The following HTR1E variants were observed in gnomAD, a reference collection of about 807,000 sequenced individuals.
The protein encoded by HTR1E is 5-hydroxytryptamine receptor 1E, also known as 5-HT-1E.
A neutral mutation model predicts 3.4 loss-of-function variants in HTR1E; 3 were observed. That is an observed-to-expected ratio of 0.89 (90% CI 0.41 to 2.31). The LOEUF is 2.31. HTR1E is among the 30% of genes most tolerant of loss of function. HTR1E has a pLI of 0.05. For synonymous variants in HTR1E, 170 were observed against 182.8 expected, an observed-to-expected ratio of 0.93 and a Z score of 0.56; for missense variants, 392 against 467.0, an observed-to-expected ratio of 0.84 and a Z score of 1.48.
At chr6:87,009,522 T>C (rs1435135366) in intron 1 of HTR1E, among the ~76,000 whole-genome samples, 1 of 150,260 alleles carries the variant, frequency 6.7e-6, no homozygotes, top group Non-Finnish European at 1.5e-5. Context: ...TTCCCGCCTT[T>C]CTATTCCACA....
chr6:87,015,367 C>A lies in HTR1E; in HGVS notation c.33C>A (p.Ser11Arg). 1 of 1,590,516 alleles carries A rather than the reference C, an allele frequency of 6.3e-7. No homozygotes were observed. The highest frequency in any genetic ancestry group is 8.6e-7 in the Non-Finnish European group (1 of 1,164,894). The change falls in exon 2 of 2, where the codon AGC becomes AGA. Residue 11 changes from serine to arginine, a missense_variant. This residue lies in a region of HTR1E where 189 missense variants were observed against 258.0 expected (regional missense o/e 0.73). Transcript: ENST00000305344. ...TCACAAACTGTACCACAGAGGCCAG[C>A]ATGGCTATAAGACCCAAGACCATCA... Reference protein sequence around the residue: MNITNCTTEASMAIRPKTITE... With the variant: MNITNCTTEARMAIRPKTITE...
At chr6:86,963,298 A>G (rs191615830) in intron 1 of HTR1E, among the ~76,000 whole-genome samples, 14 of 152,348 alleles carry the variant, frequency 9.2e-5, no homozygotes, top group Admixed American at 2.6e-4. Context: ...TACAATGTAC[A>G]CCACTGCACC....
chr6:86,973,862 A>C (rs1767594084), intron 1 of HTR1E, among the ~76,000 whole-genome samples: 1 of 152,170 alleles, frequency 6.6e-6, no homozygotes, highest in South Asian at 2.1e-4. Flanking sequence ...GAAAGCCGCA[A>C]TAAACTGCCT....
chr6:86,977,340 T>G lies in HTR1E; in HGVS notation c.-185-37810T>G, dbSNP rs185910029. Among the ~76,000 whole-genome samples the G allele has an allele frequency of 3.5e-3, 529 of 152,316 alleles. 3 individuals carry two copies. The highest frequency in any genetic ancestry group is 0.017 in the Middle Eastern group (5 of 294). On this transcript the variant is annotated intron_variant, in intron 1 of 1. Transcript: ENST00000305344. ...CTTAGGATTATGGCCCCCAGCTCCA[T>G]CCATGTTGCTACAAAGGATATTATT...
chr6:86,990,059 T>G lies in HTR1E; in HGVS notation c.-185-25091T>G, dbSNP rs183755233. Among the ~76,000 whole-genome samples, 56 of 152,306 alleles carry G rather than the reference T, an allele frequency of 3.7e-4. No homozygotes were observed. The East Asian group carries it at 0.01, about 27-fold the overall frequency. On this transcript the variant is annotated intron_variant, in intron 1 of 1. Coordinates refer to ENST00000305344, the MANE Select transcript of HTR1E (RefSeq NM_000865.3). Reference sequence around the variant, plus strand: ...AGGAAACCTCAGCCCTGCAGGCAGCTTCCATGTGTATTCCCTTGGGTCTGC... The same window carrying G: ...AGGAAACCTCAGCCCTGCAGGCAGCGTCCATGTGTATTCCCTTGGGTCTGC...
chr6:86,942,611 A>C (rs1768561726), intron 1 of HTR1E, among the ~76,000 whole-genome samples: 1 of 152,256 alleles, frequency 6.6e-6, no homozygotes, highest in African/African-American at 2.4e-5. Flanking sequence ...GCTCTAAAAA[A>C]TCAAGGATTA....
chr6:86,959,675 A>C (rs1424744343), intron 1 of HTR1E, among the ~76,000 whole-genome samples: 1 of 152,174 alleles, frequency 6.6e-6, no homozygotes, highest in African/African-American at 2.4e-5. Context: ...TAACACAGAG[A>C]GTATCCTGTG....
rs765717265 is a variant in HTR1E at position 86,982,158 on chromosome 6, CTT to C, written c.-185-32991_-185-32990del. Among the ~76,000 whole-genome samples the C allele has an allele frequency of 5.9e-5, 9 of 152,210 alleles. No individual in the cohort carries two copies. The East Asian group carries it at 9.6e-4, about 16-fold the overall frequency. On this transcript the variant is annotated intron_variant, in intron 1 of 1. Coordinates refer to ENST00000305344, the MANE Select transcript of HTR1E (RefSeq NM_000865.3). ...TCTTTACGCACTAGAACTTCTATCT[CTT>C]GTCTTTCTTCTAAATTATAGACCAT...
At chr6:87,012,715 T>G (rs1295850723) in intron 1 of HTR1E, among the ~76,000 whole-genome samples, 1 of 152,232 alleles carries the variant, frequency 6.6e-6, no homozygotes, top group Non-Finnish European at 1.5e-5. Context: ...TACATAGTAC[T>G]TACTATGTAT....
intron 1 of HTR1E, among the ~76,000 whole-genome samples, chr6:86,970,193 A>AG (rs1483018768): frequency 3.3e-5 from 5 of 152,212 alleles, no homozygotes; most frequent in Non-Finnish European, 7.3e-5. Context: ...CCATTCCTGG[A>AG]GCACAGCAAC....
chr6:87,014,882 A>G (rs976416185), intron 1 of HTR1E, among the ~76,000 whole-genome samples: 1 of 152,074 alleles, frequency 6.6e-6, no homozygotes, highest in Non-Finnish European at 1.5e-5. Flanking sequence ...GCAGCAAACC[A>G]CCATGGCACA....
chr6:87,004,754 A>G (rs564555847), intron 1 of HTR1E, among the ~76,000 whole-genome samples: 11 of 152,188 alleles, frequency 7.2e-5, no homozygotes, highest in South Asian at 2.1e-4. Flanking sequence ...GCAATCAGAC[A>G]AAAGAAAGAA....
chr6:86,991,476 A>G (rs1253222511), intron 1 of HTR1E, among the ~76,000 whole-genome samples: 1 of 152,168 alleles, frequency 6.6e-6, no homozygotes, highest in Non-Finnish European at 1.5e-5. Flanking sequence ...TAAAAAGTTT[A>G]TTTCTTAAAA....
chr6:86,949,294 T>G (rs1767187271), intron 1 of HTR1E, among the ~76,000 whole-genome samples: 1 of 152,176 alleles, frequency 6.6e-6, no homozygotes, highest in South Asian at 2.1e-4. Context: ...TTAAGTAAGT[T>G]AATATGTGAA....
chr6:86,985,066 C>T (rs1400649025), intron 1 of HTR1E, among the ~76,000 whole-genome samples: 1 of 152,064 alleles, frequency 6.6e-6, no homozygotes, highest in African/African-American at 2.4e-5. Context: ...GGCCAAGTGA[C>T]AATAAAGAAC....
At chr6:86,985,032 G>A (rs1184820075) in intron 1 of HTR1E, among the ~76,000 whole-genome samples, 1 of 152,172 alleles carries the variant, frequency 6.6e-6, no homozygotes, top group African/African-American at 2.4e-5. Context: ...TCTGGATGCT[G>A]TGGTAATAAT....
chr6:86,990,924 A>G (rs1480346878), intron 1 of HTR1E, among the ~76,000 whole-genome samples: 1 of 152,160 alleles, frequency 6.6e-6, no homozygotes, highest in Non-Finnish European at 1.5e-5. Flanking sequence ...TAGTAACTTT[A>G]TAGTGGAGAA....
intron 1 of HTR1E, among the ~76,000 whole-genome samples, chr6:86,958,987 G>A (rs1767366911): frequency 6.8e-6 from 1 of 147,192 alleles, no homozygotes; most frequent in African/African-American, 2.5e-5. Context: ...TGTGTGTACA[G>A]AAAGAGAGAG....
At chr6:86,983,512 G>A (rs1767741091) in intron 1 of HTR1E, among the ~76,000 whole-genome samples, 2 of 152,154 alleles carry the variant, frequency 1.3e-5, no homozygotes, top group Non-Finnish European at 1.5e-5. Context: ...CAGAAGCTGG[G>A]ACAAGTAATG....
Sources: gnomAD v4.1 joint callset for allele counts (sites outside exome capture counted in the v4.1 genomes callset) on GRCh38, gnomAD v4.1.1 for gene constraint, gnomAD v4.1.1 regional missense constraint, MANE v1.5 for transcripts, NCBI Gene and HGNC (gene_info 2026-07-23, HGNC 2026-07-21) for gene names.